Variants in EFHC1 observed in about 807,000 individuals in gnomAD.
The protein encoded by EFHC1 is EF-hand domain-containing protein 1.
Under a neutral mutation model 69.9 loss-of-function variants are expected in EFHC1, and 53 were observed. The observed-to-expected ratio is 0.76, with a 90% confidence interval of 0.61 to 0.95. EFHC1 has a LOEUF of 0.95. EFHC1 is among the 40% of genes least tolerant of loss of function. The pLI is 0.00. For synonymous variants in EFHC1, 256 were observed against 278.4 expected (o/e 0.92, Z 0.80); for missense variants, 739 against 798.7 (o/e 0.93, Z 0.90).
intron 3 of EFHC1, among the ~76,000 whole-genome samples, chr6:52,440,797 G>A (rs1205561499): frequency 6.6e-6 from 1 of 152,000 alleles, no homozygotes; most frequent in Non-Finnish European, 1.5e-5. Context: ...GACAGCACCT[G>A]TTATTTTTTT....
intron 6 of EFHC1, among the ~76,000 whole-genome samples, chr6:52,465,531 G>A (rs918655041): frequency 1.3e-5 from 2 of 151,740 alleles, no homozygotes; most frequent in African/African-American, 4.8e-5. Context: ...TTTCTGGCTG[G>A]GCACAGTGGC....
Position 52,480,380 on chromosome 6 carries a change from C to A in EFHC1, c.1640+593C>A, listed in dbSNP as rs987480041. ...TCAGTGGGCCTGTGCAATGCAAATTCTTGTTGTTCAAGAGTCAGCTATAAT... is the reference window on the plus strand; with the variant it reads ...TCAGTGGGCCTGTGCAATGCAAATTATTGTTGTTCAAGAGTCAGCTATAAT... On this transcript the variant is annotated intron_variant, in intron 9 of 10. Coordinates refer to ENST00000371068, the MANE Select transcript of EFHC1 (RefSeq NM_018100.4). Among the ~76,000 whole-genome samples, 7 of 152,126 alleles carry A rather than the reference C, an allele frequency of 4.6e-5. 2 individuals carry two copies. The highest frequency in any genetic ancestry group is 3.9e-4 in the Admixed American group (6 of 15,276).
rs1318309274 is a variant in EFHC1, at chr6:52,493,214, C to G, written c.*873C>G. ...AGACTGGACCTAAACCATCAGCTCTCCTAAGTCATAGGCCTTTGGATTCAG... is the reference window on the plus strand; with the variant it reads ...AGACTGGACCTAAACCATCAGCTCTGCTAAGTCATAGGCCTTTGGATTCAG... On this transcript the variant is annotated 3_prime_UTR_variant, in exon 11 of 11. Transcript: ENST00000371068. The G allele has an allele frequency of 2.2e-6, 1 of 453,502 alleles. No homozygotes were observed. Among genetic ancestry groups the G allele is most frequent in the Admixed American group, 2.4e-5 (1 of 42,524 alleles). 28.1% of individuals were successfully genotyped at this position (453,502 alleles called of 1,614,324 possible). A position where few individuals can be genotyped will look rare whatever the true frequency, so the allele number is the denominator to read the frequency against.
intron 4 of EFHC1, chr6:52,453,693 C>G (rs1162766817): frequency 8.0e-7 from 1 of 1,249,990 alleles, no homozygotes; most frequent in Admixed American, 2.9e-5. Context: ...CAAAAAAAGA[C>G]TGGTTAATAA....
At chr6:52,474,210 G>A (rs1207810020) in intron 7 of EFHC1, among the ~76,000 whole-genome samples, 1 of 152,178 alleles carries the variant, frequency 6.6e-6, no homozygotes, top group East Asian at 1.9e-4. Context: ...CAGTTACCTG[G>A]GACACTAAGG....
chr6:52,482,174 C>T (rs1169359447), intron 9 of EFHC1: 1 of 152,028 alleles, frequency 6.6e-6, no homozygotes, highest in Non-Finnish European at 1.5e-5. Context: ...ACCCCCGTCT[C>T]TGCTAAAAAT....
rs2114043845 is a variant in EFHC1, at chr6:52,494,917, ACTT to A, written c.*2578_*2580del. On this transcript the variant is annotated 3_prime_UTR_variant, in exon 11 of 11. Transcript: ENST00000371068. ...GCGTAGTATTCCATGGTGTAGATAT[ACTT>A]CATTTAAAAAATCTAATCCACCATT... 2.2e-6 allele frequency: 1 copy of A among 450,628 alleles called. No individual in the cohort carries two copies. Among genetic ancestry groups the A allele is most frequent in the African/African-American group, 2.0e-5 (1 of 49,718 alleles). The allele number at this position is 450,628 out of a possible 1,614,324, so 27.9% of individuals were successfully genotyped here. A position where few individuals can be genotyped will look rare whatever the true frequency, so the allele number is the denominator to read the frequency against.
Position 52,464,984 on chromosome 6 carries a change from A to G in EFHC1, c.1006A>G (p.Thr336Ala). ...AGACTTCATTGTTGGGAAGTCACTC[A>G]CTATCCTTGGGAGAACTTTCTTCAT... ...AKDFIVGKSL[T>A]ILGRTFFIYD... The change falls in exon 6 of 11, where the codon ACT (threonine) becomes GCT (alanine). Residue 336 changes from threonine (T) to alanine (A), a missense_variant. Physicochemically the swap from Thr to Ala is moderately conservative, Grantham distance 58. Coordinates refer to ENST00000371068, the MANE Select transcript of EFHC1 (RefSeq NM_018100.4). 1 of 1,614,166 alleles carries G rather than the reference A, an allele frequency of 6.2e-7. No homozygotes were observed. Among genetic ancestry groups the G allele is most frequent in the Middle Eastern group, 1.6e-4 (1 of 6,062 alleles).
chr6:52,479,553 A>G, intron 8 of EFHC1, 87 bp from the exon 9 acceptor site: 1 of 1,579,354 alleles, frequency 6.3e-7, no homozygotes, highest in African/African-American at 1.3e-5. Context: ...ATACCTGTGA[A>G]TTTATCATTG....
chr6:52,496,225 CAAAG>C lies in EFHC1; in HGVS notation c.*3886_*3889del, dbSNP rs1415132832. On this transcript the variant is annotated 3_prime_UTR_variant, in exon 11 of 11. Transcript: ENST00000371068. ...ACACACACCCACACACACACACACA[CAAAG>C]AGAGAATGAGAATTATTAAGATTAG... 3 of 154,818 alleles carry C rather than the reference CAAAG, an allele frequency of 1.9e-5. No homozygotes were observed. The highest frequency in any genetic ancestry group is 2.0e-4 in the South Asian group (1 of 4,996). 9.6% of individuals were successfully genotyped at this position (154,818 alleles called of 1,614,324 possible).
At chr6:52,445,812 C>T (rs1764771113) in intron 3 of EFHC1, among the ~76,000 whole-genome samples, 1 of 152,106 alleles carries the variant, frequency 6.6e-6, no homozygotes, top group Non-Finnish European at 1.5e-5. Flanking sequence ...TTCATTTTGT[C>T]ATGTACCCAG....
chr6:52,464,817 T>C, intron 5 of EFHC1, 78 bp from the exon 6 acceptor site: 1 of 1,271,248 alleles, frequency 7.9e-7, no homozygotes, highest in African/African-American at 1.5e-5. Context: ...TTCTCAAGAA[T>C]GCCTGGCAGT....
chr6:52,453,739 A>T (rs1223999941), intron 4 of EFHC1: 1 of 1,243,234 alleles, frequency 8.0e-7, no homozygotes, highest in South Asian at 1.4e-5. Flanking sequence ...TATATAAACC[A>T]TATTCACATG....
Position 52,479,692 on chromosome 6 carries a change from C to A in EFHC1, c.1545C>A (p.Tyr515Ter). ...ATACAGACGAGTATGTTTTGAAATACATGGAGAGCAACGCTGCCCAGTATT... is the reference window on the plus strand; with the variant it reads ...ATACAGACGAGTATGTTTTGAAATAAATGGAGAGCAACGCTGCCCAGTATT... ...ILDTDEYVLK[Y>*]MESNAAQYSP... Residue 515 changes from tyrosine (Y) to a stop codon, truncating the protein, a stop_gained, in exon 9 of 11, where the codon TAC becomes TAA. Coordinates refer to ENST00000371068, the MANE Select transcript of EFHC1 (RefSeq NM_018100.4). LOFTEE classifies it high-confidence loss of function. 6.2e-7 allele frequency: 1 copy of A among 1,614,206 alleles called. No individual in the cohort carries two copies. Among genetic ancestry groups the A allele is most frequent in the Non-Finnish European group, 8.5e-7 (1 of 1,180,038 alleles).
At chr6:52,481,600 A>C (rs1463232677) in intron 9 of EFHC1, 1 of 151,762 alleles carries the variant, frequency 6.6e-6, no homozygotes, top group Non-Finnish European at 1.5e-5. Context: ...ATAATAGCTC[A>C]CTGCAGCCTC....
chr6:52,453,622 CAAAAAAA>C lies in EFHC1; in HGVS notation c.724-462_724-456del, dbSNP rs150509864. 41 of 1,052,006 alleles carry C rather than the reference CAAAAAAA, an allele frequency of 3.9e-5. No individual in the cohort carries two copies. The African/African-American group carries it at 8.3e-4, about 21-fold the overall frequency. 65.2% of individuals were successfully genotyped at this position (1,052,006 alleles called of 1,614,324 possible). A position where few individuals can be genotyped will look rare whatever the true frequency, so the allele number is the denominator to read the frequency against. On this transcript the variant is annotated intron_variant, in intron 4 of 10. Transcript: ENST00000371068. ...TTCCCACGATTTGAAGAAGCCTAGC[CAAAAAAA>C]AAAAAAAAAAGATTGTGTTTATATT...
At chr6:52,442,867 C>T (rs1764695890) in intron 3 of EFHC1, among the ~76,000 whole-genome samples, 1 of 152,196 alleles carries the variant, frequency 6.6e-6, no homozygotes, top group Non-Finnish European at 1.5e-5. Flanking sequence ...TGAGGAATCA[C>T]CACACTGTCT....
At chr6:52,462,382 A>G (rs1765188444) in intron 5 of EFHC1, among the ~76,000 whole-genome samples, 1 of 151,970 alleles carries the variant, frequency 6.6e-6, no homozygotes, top group South Asian at 2.1e-4. Context: ...AAAGTTAGAA[A>G]TCTAAAGAAT....
intron 5 of EFHC1, among the ~76,000 whole-genome samples, chr6:52,463,194 A>ATTTTTT (rs35702967): frequency 1.5e-5 from 2 of 133,002 alleles, no homozygotes; most frequent in Non-Finnish European, 3.2e-5. Flanking sequence ...CACCCAGCTA[A>ATTTTTT]TTTTTTTTTT....
Sources: allele counts gnomAD v4.1 joint callset (sites outside exome capture counted in the v4.1 genomes callset), GRCh38; gene constraint gnomAD v4.1.1; transcripts MANE v1.5; gene names NCBI Gene and HGNC (gene_info 2026-07-23, HGNC 2026-07-21).